Variants in ASTN2 observed in about 807,000 individuals in gnomAD.
ASTN2 encodes the protein astrotactin 2.
Under a neutral mutation model 139.8 loss-of-function variants are expected in ASTN2, and 54 were observed. That is an observed-to-expected ratio of 0.39 (90% confidence interval 0.31 to 0.48). The LOEUF is 0.48. Among genes scored for constraint, ASTN2 ranks in the 20% least tolerant of loss-of-function variants. The probability of loss-of-function intolerance (pLI) is 0.95; values close to 1 mark genes in which losing one functional copy is unlikely to be tolerated. For missense variants in ASTN2, 1,565 were observed against 1,725.1 expected, an observed-to-expected ratio of 0.91 and a Z score of 1.64; for synonymous variants, 756 against 719.5, an observed-to-expected ratio of 1.05 and a Z score of -0.81.
chr9:116,477,575 G>A (rs184848433), intron 20 of ASTN2, among the ~76,000 whole-genome samples: 1 of 152,024 alleles, frequency 6.6e-6, no homozygotes, highest in East Asian at 1.9e-4. Context: ...TGTCGGAGGA[G>A]GAAAGTGGAG....
intron 1 of ASTN2, among the ~76,000 whole-genome samples, chr9:117,375,377 A>G (rs1262367421): frequency 6.6e-6 from 1 of 152,206 alleles, no homozygotes; most frequent in Admixed American, 6.5e-5. Flanking sequence ...ACAAAAGCCC[A>G]TGTTTTCTCC....
At chr9:116,917,001 T>TC (rs1834468063) in intron 10 of ASTN2, among the ~76,000 whole-genome samples, 1 of 151,912 alleles carries the variant, frequency 6.6e-6, no homozygotes. Context: ...ATTTTTTTTT[T>TC]CTCCCCTCAT....
intron 13 of ASTN2, among the ~76,000 whole-genome samples, chr9:116,794,939 T>C (rs939174107): frequency 6.6e-6 from 1 of 152,138 alleles, no homozygotes; most frequent in Non-Finnish European, 1.5e-5. Flanking sequence ...AAGTGGCACT[T>C]CTATGCTTAT....
intron 3 of ASTN2, among the ~76,000 whole-genome samples, chr9:117,203,369 A>G (rs577637652): frequency 1.3e-5 from 2 of 152,102 alleles, no homozygotes; most frequent in African/African-American, 4.8e-5. Context: ...GTCCAGTTCT[A>G]GGCCCTTGAT....
At chr9:116,539,330 G>A (rs1028067739) in intron 19 of ASTN2, among the ~76,000 whole-genome samples, 1 of 151,482 alleles carries the variant, frequency 6.6e-6, no homozygotes, top group Non-Finnish European at 1.5e-5. Flanking sequence ...GGGTGAAGTT[G>A]TATGGTATGT....
At chr9:117,321,081 C>T (rs1225942532) in intron 1 of ASTN2, among the ~76,000 whole-genome samples, 4 of 152,180 alleles carry the variant, frequency 2.6e-5, no homozygotes, top group Admixed American at 2.6e-4. Context: ...GTGTTGTCCA[C>T]TACAGACCAA....
At chr9:117,200,064 T>TA (rs1831652025) in intron 3 of ASTN2, among the ~76,000 whole-genome samples, 1 of 150,618 alleles carries the variant, frequency 6.6e-6, no homozygotes, top group African/African-American at 2.4e-5. Flanking sequence ...TTCTTTTTTT[T>TA]ATTATTATTA....
chr9:116,652,525 T>C (rs1202970019), intron 16 of ASTN2, among the ~76,000 whole-genome samples: 2 of 152,184 alleles, frequency 1.3e-5, no homozygotes, highest in Non-Finnish European at 2.9e-5. Flanking sequence ...ATATTTTCCA[T>C]GCAGCCCAAT....
At chr9:117,116,514 A>G (rs1829395622) in intron 4 of ASTN2, among the ~76,000 whole-genome samples, 1 of 152,132 alleles carries the variant, frequency 6.6e-6, no homozygotes, top group Non-Finnish European at 1.5e-5. Flanking sequence ...TGCTAACTTG[A>G]ATAATCTTTG....
At chr9:117,227,492 A>G (rs1349323894) in intron 2 of ASTN2, among the ~76,000 whole-genome samples, 4 of 152,162 alleles carry the variant, frequency 2.6e-5, no homozygotes, top group East Asian at 1.9e-4. Flanking sequence ...GGATGGATGG[A>G]TGAATGGATT....
intron 19 of ASTN2, among the ~76,000 whole-genome samples, chr9:116,560,835 G>A (rs556233746): frequency 6.6e-6 from 1 of 152,302 alleles, no homozygotes; most frequent in Non-Finnish European, 1.5e-5. Flanking sequence ...ATTTGTGTCT[G>A]GAAGGGAGGT....
At chr9:117,219,569 C>T (rs190264562) in intron 2 of ASTN2, among the ~76,000 whole-genome samples, 2 of 152,194 alleles carry the variant, frequency 1.3e-5, no homozygotes, top group African/African-American at 2.4e-5. Context: ...CCTAGGCAAA[C>T]AAGGCTGAGG....
intron 17 of ASTN2, among the ~76,000 whole-genome samples, chr9:116,621,852 T>G (rs1391278852): frequency 6.6e-6 from 1 of 152,216 alleles, no homozygotes; most frequent in Non-Finnish European, 1.5e-5. Flanking sequence ...TTTTACCTTC[T>G]ATTTTGTTCC....
At chr9:116,863,515 G>A in intron 11 of ASTN2, 68 bp downstream of exon 11, 3 of 1,569,622 alleles carry the variant, frequency 1.9e-6, no homozygotes, top group Non-Finnish European at 2.6e-6. Flanking sequence ...CCCTCGCAGG[G>A]CAGGGCTTCT....
intron 2 of ASTN2, among the ~76,000 whole-genome samples, chr9:117,215,192 C>A (rs978166522): frequency 1.3e-5 from 2 of 152,162 alleles, no homozygotes; most frequent in Admixed American, 1.3e-4. Flanking sequence ...GCTCCCCCAG[C>A]CTTGCTTCCT....
chr9:116,853,203 T>G (rs1832656732), intron 11 of ASTN2, among the ~76,000 whole-genome samples: 1 of 152,080 alleles, frequency 6.6e-6, no homozygotes, highest in Non-Finnish European at 1.5e-5. Context: ...GGGCCTTGAG[T>G]TTTTTTCTTT....
intron 1 of ASTN2, among the ~76,000 whole-genome samples, chr9:117,364,605 T>TGTG (rs1829783306): frequency 6.6e-6 from 1 of 152,104 alleles, no homozygotes; most frequent in South Asian, 2.1e-4. Flanking sequence ...AAAATGAAGT[T>TGTG]GTGGCATAGG....
chr9:117,211,098 A>T (rs1260793159), intron 3 of ASTN2, among the ~76,000 whole-genome samples: 3 of 152,200 alleles, frequency 2.0e-5, no homozygotes, highest in African/African-American at 7.2e-5. Context: ...ACAAATCCAC[A>T]GCTAACATCT....
intron 19 of ASTN2, among the ~76,000 whole-genome samples, chr9:116,593,788 T>G (rs1213542725): frequency 1.3e-5 from 2 of 152,212 alleles, no homozygotes; most frequent in East Asian, 3.9e-4. Context: ...ATCTTCATGA[T>G]TTTCTTGCTT....
Sources: allele counts gnomAD v4.1 joint callset (sites outside exome capture counted in the v4.1 genomes callset), GRCh38; gene constraint gnomAD v4.1.1; transcripts MANE v1.5; gene names NCBI Gene and HGNC (gene_info 2026-07-23, HGNC 2026-07-21).